The following MYL2 variants were observed in gnomAD, a reference collection of about 807,000 sequenced individuals.
MYL2 encodes myosin regulatory light chain 2, ventricular/cardiac muscle isoform.
In MYL2, 19 loss-of-function variants were observed where a neutral mutation model predicts 23.0. The observed-to-expected ratio is 0.83, with a 90% CI of 0.58 to 1.21. The LOEUF (loss-of-function observed/expected upper bound fraction) is 1.21, where lower values mean the gene tolerates loss of function less well. Among genes scored for constraint, MYL2 ranks in the 50% most tolerant of loss-of-function variants. The probability of loss-of-function intolerance (pLI) is 0.00; values close to 1 mark genes in which losing one functional copy is unlikely to be tolerated. For synonymous variants in MYL2, 78 were observed against 76.2 expected (o/e 1.02, Z -0.13); for missense variants, 180 against 215.1 (o/e 0.84, Z 1.02).
chr12:110,920,493 C>A (rs373786922), intron 1 of MYL2, 34 bp downstream of exon 1: 11 of 1,613,954 alleles, frequency 6.8e-6, no homozygotes, highest in African/African-American at 6.7e-5. Flanking sequence ...CTCGCCCACC[C>A]GGCATCATCA....
intron 5 of MYL2, 48 bp downstream of exon 5, chr12:110,913,198 C>CG (rs2071665544): frequency 6.2e-6 from 10 of 1,609,454 alleles, no homozygotes; most frequent in Non-Finnish European, 5.9e-6. Context: ...GTAGGGGGGA[C>CG]AGGGGGCAAG....
chr12:110,911,206 CG>C (rs763777246), intron 6 of MYL2, 31 bp from the exon 7 acceptor site: 1 of 873,838 alleles, frequency 1.1e-6, no homozygotes, highest in South Asian at 1.5e-5. Flanking sequence ...GTGCTAAGGA[CG>C]AGGGGAGGGG....
intron 4 of MYL2, 88 bp downstream of exon 4, chr12:110,914,096 ATC>A: frequency 9.8e-7 from 1 of 1,023,628 alleles, no homozygotes; most frequent in Non-Finnish European, 1.5e-6. Context: ...ATGGTGCTTT[ATC>A]TCTTTTAAAG....
intron 3 of MYL2, 51 bp from the exon 4 acceptor site, chr12:110,914,341 A>G: frequency 7.8e-7 from 1 of 1,286,664 alleles, no homozygotes. Flanking sequence ...AGAAAGAACC[A>G]TTATGACACT....
At position 110,916,198 on chromosome 12, in the gene MYL2, T is replaced by C. The variant is rs570204080; in HGVS notation, c.94-408A>G. ...TAAAAATACAAAAATTAGCCAGGCG[T>C]GGTGGCGCATGCCTGTAATCCTAGC... On this transcript the variant is annotated intron_variant, in intron 2 of 6. Coordinates refer to ENST00000228841, the MANE Select transcript of MYL2 (RefSeq NM_000432.4). Among the ~76,000 whole-genome samples, 30 of 152,266 alleles carry C rather than the reference T, an allele frequency of 2.0e-4. 1 individual carries two copies. The South Asian group carries it at 6.2e-3, about 32-fold the overall frequency.
chr12:110,911,222 G>T, intron 6 of MYL2, 47 bp from the exon 7 acceptor site: 2 of 804,058 alleles, frequency 2.5e-6, no homozygotes, highest in South Asian at 1.3e-5. Context: ...GAGGGGAACT[G>T]AGACGGAGGG....
chr12:110,913,162 C>T lies in MYL2; in HGVS notation c.354-18G>A, dbSNP rs752927354. On this transcript the variant is annotated intron_variant, in intron 5 of 6. Transcript: ENST00000228841. ...CCCGAACGCTGCAGAGAAAGGAAAG[C>T]AGGTGTTGGTGTCAGTTGTGTGTGT... is the stretch of plus-strand genomic sequence containing the variant. 2.1e-5 allele frequency: 34 copies of T among 1,614,092 alleles called. No homozygotes were observed. In the East Asian group the frequency reaches 7.1e-4, roughly 34 times the overall value.
At chr12:110,912,985 G>T in intron 6 of MYL2, 111 bp downstream of exon 6, 1 of 1,188,804 alleles carries the variant, frequency 8.4e-7, no homozygotes, top group Non-Finnish European at 1.3e-6. Flanking sequence ...ACGATAGCTG[G>T]TTCTCTGTCA....
chr12:110,914,428 T>A (rs1246271992), intron 3 of MYL2, 138 bp from the exon 4 acceptor site: 1 of 714,308 alleles, frequency 1.4e-6, no homozygotes, highest in Admixed American at 2.0e-5. Flanking sequence ...GAGGCAAAGA[T>A]CTTTTCTGAG....
chr12:110,915,042 TA>T (rs1432084104), intron 3 of MYL2, among the ~76,000 whole-genome samples: 13 of 152,206 alleles, frequency 8.5e-5, no homozygotes, highest in African/African-American at 2.7e-4. Context: ...GCCACAAGCC[TA>T]ACTTTGTGCA....
At position 110,916,335 on chromosome 12, in the gene MYL2, C is replaced by T. The variant is rs190768104; in HGVS notation, c.94-545G>A. ...TGGATGACAGAGCAAGACTCCATCT[C>T]GGAAAACAAAAACAAAAACAAAAAA... On this transcript the variant is annotated intron_variant, in intron 2 of 6. Coordinates refer to ENST00000228841, the MANE Select transcript of MYL2 (RefSeq NM_000432.4). Among the ~76,000 whole-genome samples, 470 of 152,218 alleles carry T rather than the reference C, an allele frequency of 3.1e-3. 3 individuals carry two copies. The highest frequency in any genetic ancestry group is 0.012 in the South Asian group (59 of 4,820).
At chr12:110,915,306 A>G (rs1272181883) in intron 3 of MYL2, among the ~76,000 whole-genome samples, 1 of 152,204 alleles carries the variant, frequency 6.6e-6, no homozygotes, top group Admixed American at 6.5e-5. Context: ...GATAAATTCG[A>G]AAGAGAATGA....
chr12:110,920,387 G>T, intron 1 of MYL2, 140 bp downstream of exon 1: 1 of 1,183,498 alleles, frequency 8.4e-7, no homozygotes, highest in Non-Finnish European at 1.3e-6. Context: ...CTGTGCCCGC[G>T]CAGTCAATGG....
At position 110,910,870 on chromosome 12, in the gene MYL2, A is replaced by T; in HGVS notation, c.*207T>A. 2 of 607,946 alleles carry T rather than the reference A, an allele frequency of 3.3e-6. No homozygotes were observed. The highest frequency in any genetic ancestry group is 5.9e-6 in the Non-Finnish European group (2 of 336,444). The allele number at this position is 607,946 out of a possible 1,614,324, so 37.7% of individuals were successfully genotyped here. A position where few individuals can be genotyped will look rare whatever the true frequency, so the allele number is the denominator to read the frequency against. On this transcript the variant is annotated 3_prime_UTR_variant, in exon 7 of 7. Transcript: ENST00000228841. ...TACACGACCTCCTGTTTATTGGAAC[A>T]TGGCCTCTGGATGGATTTCCAACTG...
At chr12:110,912,075 T>C (rs1169467854) in intron 6 of MYL2, among the ~76,000 whole-genome samples, 1 of 152,178 alleles carries the variant, frequency 6.6e-6, no homozygotes, top group Non-Finnish European at 1.5e-5. Flanking sequence ...AGGCAGCCCT[T>C]TTAGCTGCTT....
chr12:110,912,663 G>A (rs2071661305), intron 6 of MYL2, among the ~76,000 whole-genome samples: 2 of 152,276 alleles, frequency 1.3e-5, no homozygotes, highest in East Asian at 1.9e-4. Context: ...GGGTTCAAGC[G>A]ATTCTCGTGC....
chr12:110,921,196 C>G (rs566228716), upstream of MYL2, among the ~76,000 whole-genome samples: 1 of 151,858 alleles, frequency 6.6e-6, no homozygotes, highest in African/African-American at 2.4e-5. Flanking sequence ...CCTGTCTCTA[C>G]GCAAAAGAAA....
chr12:110,920,152 A>G (rs2071711483), intron 1 of MYL2, among the ~76,000 whole-genome samples: 1 of 152,242 alleles, frequency 6.6e-6, no homozygotes, highest in Non-Finnish European at 1.5e-5. Context: ...CAAGTTCAAA[A>G]GGTGAAAACA....
At chr12:110,914,454 G>A (rs2071676167) in intron 3 of MYL2, 164 bp from the exon 4 acceptor site, 2 of 657,166 alleles carry the variant, frequency 3.0e-6, no homozygotes, top group South Asian at 1.6e-5. Context: ...GTTCTTGACA[G>A]TGTTATTTAT....
Sources: gnomAD v4.1 joint callset for allele counts (sites outside exome capture counted in the v4.1 genomes callset) on GRCh38, gnomAD v4.1.1 for gene constraint, MANE v1.5 for transcripts, NCBI Gene and HGNC (gene_info 2026-07-23, HGNC 2026-07-21) for gene names.